HEPH: variants seen among roughly 807,000 people sequenced by gnomAD.
HEPH encodes hephaestin.
Under a neutral mutation model 80.8 loss-of-function variants are expected in HEPH, and 69 were observed. That is an observed-to-expected ratio of 0.85 (90% CI 0.70 to 1.04). The LOEUF is 1.04. HEPH is among the 50% of genes least tolerant of loss of function. The pLI is 0.00. For synonymous variants in HEPH, 431 were observed against 322.8 expected, an observed-to-expected ratio of 1.34 and a Z score of -3.60; for missense variants, 1,115 against 891.3, an observed-to-expected ratio of 1.25 and a Z score of -3.20.
intron 15 of HEPH, among the ~76,000 whole-genome samples, chrX:66,220,214 C>T (rs2089582858): frequency 1.8e-5 from 2 of 111,538 alleles, no homozygotes; most frequent in South Asian, 7.5e-4. Context: ...CAGGAAGTGA[C>T]ATTGAGAGAC....
rs1051707905 is a variant in HEPH, at chrX:66,192,194, A to G, written c.1128A>G (p.Thr376=). Residue 376 remains threonine, a synonymous_variant, in exon 7 of 21, where the codon ACA becomes ACG. Coordinates refer to ENST00000343002, the MANE Select transcript of HEPH (RefSeq NM_001367233.3). ...CSMAPPVDLL[T]GKVRQYFIEA... ...TGGCCCCTCCTGTGGACCTGCTCACAGGCAAAGTTCGACAGTACTTCATTG... is the reference window on the plus strand; with the variant it reads ...TGGCCCCTCCTGTGGACCTGCTCACGGGCAAAGTTCGACAGTACTTCATTG... 5.3e-5 allele frequency: 64 copies of G among 1,209,082 alleles called. No individual in the cohort carries two copies. The highest frequency in any genetic ancestry group is 8.9e-5 in the East Asian group (3 of 33,752).
At chrX:66,262,286 G>A (rs1012123507) in intron 19 of HEPH, among the ~76,000 whole-genome samples, 1 of 111,799 alleles carries the variant, frequency 8.9e-6, no homozygotes, top group Admixed American at 9.5e-5. Flanking sequence ...AAGAGTGGAG[G>A]AAAGTCATCT....
chrX:66,208,871 G>A (rs1457858349), intron 15 of HEPH, among the ~76,000 whole-genome samples: 1 of 107,251 alleles, frequency 9.3e-6, no homozygotes, highest in East Asian at 2.9e-4. Context: ...TGTGACCTAG[G>A]CCACAAGCTG....
At chrX:66,208,850 C>T (rs1381994227) in intron 15 of HEPH, among the ~76,000 whole-genome samples, 3 of 106,897 alleles carry the variant, frequency 2.8e-5, no homozygotes, top group Non-Finnish European at 5.8e-5. Context: ...CTAATCTTGA[C>T]TAGAGAGTGA....
At chrX:66,199,391 C>T (rs1431739656) in intron 11 of HEPH, among the ~76,000 whole-genome samples, 4 of 107,707 alleles carry the variant, frequency 3.7e-5, no homozygotes, top group African/African-American at 1.4e-4. Context: ...CCAACTGGGG[C>T]TATTTTTCTT....
chrX:66,201,104 CAAT>C (rs1428282777), intron 12 of HEPH, among the ~76,000 whole-genome samples: 2 of 110,780 alleles, frequency 1.8e-5, no homozygotes, highest in African/African-American at 6.6e-5. Flanking sequence ...GGAGGAAGGT[CAAT>C]AAAATGCACT....
intron 4 of HEPH, among the ~76,000 whole-genome samples, chrX:66,187,269 A>G (rs2087511098): frequency 9.2e-6 from 1 of 109,067 alleles, no homozygotes. Context: ...ATTTTTTTTT[A>G]TCTTGGCTTG....
At chrX:66,244,436 G>T (rs969939457) in intron 15 of HEPH, among the ~76,000 whole-genome samples, 9 of 111,619 alleles carry the variant, frequency 8.1e-5, no homozygotes, top group African/African-American at 2.9e-4. Context: ...TCCTCAGCTT[G>T]GTTGATTCTG....
chrX:66,256,381 A>G, intron 17 of HEPH, 51 bp downstream of exon 17: 1 of 916,833 alleles, frequency 1.1e-6, no homozygotes, highest in Non-Finnish European at 1.6e-6. Flanking sequence ...TACTGGTTAC[A>G]TGGGGATATT....
intron 4 of HEPH, among the ~76,000 whole-genome samples, chrX:66,179,051 T>A (rs1172367858): frequency 3.6e-5 from 4 of 111,558 alleles, no homozygotes; most frequent in African/African-American, 1.3e-4. Context: ...ATTGCCTAGG[T>A]TTTCTTCTAG....
intron 7 of HEPH, among the ~76,000 whole-genome samples, chrX:66,193,269 A>T (rs2087908092): frequency 9.1e-6 from 1 of 109,899 alleles, no homozygotes; most frequent in Non-Finnish European, 1.9e-5. Context: ...AGTAAGGGAG[A>T]TTGTCTCCTC....
At chrX:66,192,103 G>T (rs1241509469) in intron 6 of HEPH, 27 bp from the exon 7 acceptor site, 2 of 1,187,013 alleles carry the variant, frequency 1.7e-6, no homozygotes, top group East Asian at 6.0e-5. Context: ...GGATAGAATG[G>T]GGTCAGCCAT....
At chrX:66,180,739 C>A (rs1367821542) in intron 4 of HEPH, among the ~76,000 whole-genome samples, 1 of 85,418 alleles carries the variant, frequency 1.2e-5, no homozygotes, top group Non-Finnish European at 2.2e-5. Flanking sequence ...GGTACATGTG[C>A]ACATTGTGCA....
intron 14 of HEPH, among the ~76,000 whole-genome samples, chrX:66,207,646 A>T (rs1289160434): frequency 9.0e-6 from 1 of 111,322 alleles, no homozygotes; most frequent in Non-Finnish European, 1.9e-5. Flanking sequence ...AACTATATAT[A>T]TACACAAGGA....
chrX:66,234,580 T>G (rs1379148088), intron 15 of HEPH, among the ~76,000 whole-genome samples: 1 of 98,324 alleles, frequency 1.0e-5, no homozygotes, highest in East Asian at 3.0e-4. Context: ...CACCATCTGG[T>G]TTTTTTTTTT....
intron 4 of HEPH, 43 bp downstream of exon 4, chrX:66,173,844 TCTAGGGGTAG>T: frequency 3.0e-6 from 3 of 1,005,032 alleles, no homozygotes; most frequent in Non-Finnish European, 4.1e-6. Flanking sequence ...GTTTGGGACA[TCTAGGGGTAG>T]CAGTGATATG....
rs143965640 is a variant in HEPH at position 66,174,163 on chromosome X, C to T, written c.625+362C>T. 3.2e-3 allele frequency among the ~76,000 whole-genome samples: 350 copies of T among 109,888 alleles called. 4 individuals carry two copies. The highest frequency in any genetic ancestry group is 0.011 in the African/African-American group (331 of 30,182). On this transcript the variant is annotated intron_variant, in intron 4 of 20. Coordinates refer to ENST00000343002, the MANE Select transcript of HEPH (RefSeq NM_001367233.3). Reference sequence around the variant, plus strand: ...TGTAGTCTTTTATCCCTCGTGCCCCCCCAGCCTTTTCCCCAAATCCCCAAA... The same window carrying T: ...TGTAGTCTTTTATCCCTCGTGCCCCTCCAGCCTTTTCCCCAAATCCCCAAA...
chrX:66,172,286 T>C, intron 2 of HEPH, 69 bp from the exon 3 acceptor site: 3 of 1,080,531 alleles, frequency 2.8e-6, no homozygotes, highest in Non-Finnish European at 3.7e-6. Context: ...GTCAGTATCC[T>C]CTGGAAAAGG....
At chrX:66,166,835 C>T (rs756571270) in intron 1 of HEPH, among the ~76,000 whole-genome samples, 1 of 111,866 alleles carries the variant, frequency 8.9e-6, no homozygotes, top group Non-Finnish European at 1.9e-5. Context: ...GTTTATATTC[C>T]TGTATGCTTA....
Sources: allele counts gnomAD v4.1 joint callset (sites outside exome capture counted in the v4.1 genomes callset), GRCh38; gene constraint gnomAD v4.1.1; transcripts MANE v1.5; gene names NCBI Gene and HGNC (gene_info 2026-07-23, HGNC 2026-07-21).